TTC23: variants seen among roughly 807,000 people sequenced by gnomAD.
TTC23 encodes tetratricopeptide repeat protein 23.
In TTC23, 58 loss-of-function variants were observed where a neutral mutation model predicts 55.1. That is an observed-to-expected ratio of 1.05 (90% CI 0.85 to 1.31). The LOEUF (loss-of-function observed/expected upper bound fraction) is 1.31. Among genes scored for constraint, TTC23 ranks in the 50% most tolerant of loss-of-function variants. The pLI is 0.00. For synonymous variants in TTC23, 203 were observed against 199.9 expected (o/e 1.02, Z -0.13); for missense variants, 516 against 534.4 (o/e 0.97, Z 0.34).
chr15:99,157,230 T>C (rs1056734581), intron 11 of TTC23: 4 of 139,834 alleles, frequency 2.9e-5, no homozygotes, highest in African/African-American at 1.1e-4. Flanking sequence ...TTTTTTTTTT[T>C]AGACAGAGTC....
chr15:99,145,597 G>A (rs2151845599), intron 12 of TTC23, among the ~76,000 whole-genome samples: 1 of 151,996 alleles, frequency 6.6e-6, no homozygotes, highest in Admixed American at 6.5e-5. Flanking sequence ...GTGGTGGTGG[G>A]CTCACAGGGA....
At chr15:99,145,662 C>G (rs1260256805) in intron 12 of TTC23, among the ~76,000 whole-genome samples, 1 of 152,134 alleles carries the variant, frequency 6.6e-6, no homozygotes, top group Non-Finnish European at 1.5e-5. Context: ...CTCTTTCTCT[C>G]AGTCTATGTC....
At chr15:99,183,497 ATTT>A (rs56660145) in intron 9 of TTC23, among the ~76,000 whole-genome samples, 6,944 of 100,824 alleles carry the variant, frequency 0.069, 207 homozygotes, top group Middle Eastern at 0.089. Flanking sequence ...GATTTTTTGT[ATTT>A]TTTTTTTTTT....
At chr15:99,142,992 A>T (rs975834473) in intron 12 of TTC23, among the ~76,000 whole-genome samples, 3 of 152,118 alleles carry the variant, frequency 2.0e-5, no homozygotes, top group African/African-American at 7.2e-5. Context: ...TGTTTCCCCT[A>T]AGGTTACTTA....
intron 4 of TTC23, among the ~76,000 whole-genome samples, chr15:99,229,725 G>A (rs544861186): frequency 6.6e-6 from 1 of 152,324 alleles, no homozygotes; most frequent in Admixed American, 6.5e-5. Context: ...AAGGTTACAG[G>A]GAACAGTGTT....
intron 2 of TTC23, among the ~76,000 whole-genome samples, chr15:99,242,998 T>C (rs2079938262): frequency 6.6e-6 from 1 of 151,958 alleles, no homozygotes; most frequent in Admixed American, 6.6e-5. Flanking sequence ...AATGGACAAA[T>C]GGGATCACAT....
chr15:99,233,043 A>G (rs557841890), intron 4 of TTC23, among the ~76,000 whole-genome samples: 1 of 152,334 alleles, frequency 6.6e-6, no homozygotes, highest in African/African-American at 2.4e-5. Context: ...ACAGAAAGAC[A>G]AATACTGAAT....
intron 9 of TTC23, 77 bp downstream of exon 9, chr15:99,199,842 A>C: frequency 1.4e-6 from 2 of 1,403,814 alleles, no homozygotes; most frequent in Non-Finnish European, 1.9e-6. Context: ...AGGCATTTTC[A>C]GAGCTGCTGT....
Position 99,228,008 on chromosome 15 carries a change from G to A in TTC23, c.180+525C>T, listed in dbSNP as rs4965223. Among the ~76,000 whole-genome samples the A allele has an allele frequency of 3.2e-4, 48 of 152,210 alleles. 1 individual carries two copies. The highest frequency in any genetic ancestry group is 4.1e-4 in the South Asian group (2 of 4,820). On this transcript the variant is annotated intron_variant, in intron 5 of 13. Transcript: ENST00000394132. ...CCGTCTATCTTCCCAACCAAATCCC[G>A]AGTCCCTCCAAGACAAAGACTGTGG...
chr15:99,224,358 T>A (rs193173638), intron 5 of TTC23, among the ~76,000 whole-genome samples: 2 of 152,368 alleles, frequency 1.3e-5, no homozygotes, highest in East Asian at 3.9e-4. Context: ...TTTTTGTGAA[T>A]CTATCTTTAT....
At chr15:99,147,096 G>A (rs1949340368) in intron 12 of TTC23, among the ~76,000 whole-genome samples, 1 of 150,254 alleles carries the variant, frequency 6.7e-6, no homozygotes, top group South Asian at 2.1e-4. Context: ...TGTATTTTTA[G>A]TAGAGATGGG....
intron 6 of TTC23, among the ~76,000 whole-genome samples, chr15:99,221,001 G>A (rs566211514): frequency 2.4e-4 from 36 of 152,210 alleles, no homozygotes; most frequent in Non-Finnish European, 4.1e-4. Context: ...CAAAAGAAAG[G>A]TTTAGCCAAT....
chr15:99,211,926 C>A (rs984534605), intron 8 of TTC23, among the ~76,000 whole-genome samples: 1 of 152,156 alleles, frequency 6.6e-6, no homozygotes, highest in Non-Finnish European at 1.5e-5. Flanking sequence ...AACTCCGGGC[C>A]TCAAGCGATC....
chr15:99,239,484 C>G (rs995259085), intron 3 of TTC23, among the ~76,000 whole-genome samples: 1 of 149,148 alleles, frequency 6.7e-6, no homozygotes, highest in African/African-American at 2.5e-5. Flanking sequence ...GACTCTGTCT[C>G]AAAAAAAATA....
Position 99,219,043 on chromosome 15 carries a change from AC to A in TTC23, c.309del (p.Ser104HisfsTer57). On this transcript the variant is annotated frameshift_variant, in exon 7 of 14. Transcript: ENST00000394132. LOFTEE classifies it high-confidence loss of function. ...LAQGYLQLKG[L>X]SLQAKQHAEK... Reference sequence around the variant, plus strand: ...TCTGCATGTTGTTTTGCTTGCAGTGACAGTCCTGTGGACAAAGAAAAAGAGG... The same window carrying A: ...TCTGCATGTTGTTTTGCTTGCAGTGAAGTCCTGTGGACAAAGAAAAAGAGG... 6.2e-7 allele frequency: 1 copy of A among 1,614,142 alleles called. No individual in the cohort carries two copies. Among genetic ancestry groups the A allele is most frequent in the East Asian group, 2.2e-5 (1 of 44,878 alleles).
At chr15:99,210,521 C>T (rs73465306) in intron 8 of TTC23, among the ~76,000 whole-genome samples, 1 of 152,256 alleles carries the variant, frequency 6.6e-6, no homozygotes, top group South Asian at 2.1e-4. Flanking sequence ...GAGCAGCTGA[C>T]AGGAGAAACA....
chr15:99,139,342 G>T lies in TTC23; in HGVS notation c.1201C>A (p.Gln401Lys). The T allele has an allele frequency of 6.2e-7, 1 of 1,613,728 alleles. No individual in the cohort carries two copies. Among genetic ancestry groups the T allele is most frequent in the South Asian group, 1.1e-5 (1 of 91,082 alleles). Residue 401 changes from glutamine to lysine, a missense_variant, in exon 13 of 14, where the codon CAG becomes AAG. By Grantham distance (53) the Gln-to-Lys change is moderately conservative (BLOSUM62 1). Transcript: ENST00000394132. The stretch of plus-strand genomic sequence containing the variant: ...GTGGACAGCATGCCCATGGCCTGCT[G>T]GGTGGCCAGAGTCCTTTTGTCCTGC... ...GPQDKRTLAT[Q>K]QAMGMLSTAP... is the part of the protein sequence containing the mutation.
intron 10 of TTC23, among the ~76,000 whole-genome samples, chr15:99,167,079 GT>G (rs1208337248): frequency 6.6e-6 from 1 of 152,112 alleles, no homozygotes; most frequent in Non-Finnish European, 1.5e-5. Flanking sequence ...GGCAAATTGA[GT>G]CCTATTACTA....
At chr15:99,169,664 G>A (rs891424060) in intron 10 of TTC23, among the ~76,000 whole-genome samples, 5 of 152,170 alleles carry the variant, frequency 3.3e-5, no homozygotes, top group African/African-American at 4.8e-5. Flanking sequence ...AGGGAGGGTC[G>A]TGTAAGGTAA....
Sources: gnomAD v4.1 joint callset for allele counts (sites outside exome capture counted in the v4.1 genomes callset) on GRCh38, gnomAD v4.1.1 for gene constraint, MANE v1.5 for transcripts, NCBI Gene and HGNC (gene_info 2026-07-23, HGNC 2026-07-21) for gene names.